NKAIN2: variants seen among roughly 807,000 people sequenced by gnomAD.
The protein encoded by NKAIN2 is sodium/potassium transporting ATPase interacting 2.
A neutral mutation model predicts 32.6 loss-of-function variants in NKAIN2; 14 were observed. That is an observed-to-expected ratio of 0.43 (90% CI 0.28 to 0.67). The LOEUF (loss-of-function observed/expected upper bound fraction) is 0.67, where lower values mean the gene tolerates loss of function less well. NKAIN2 is among the 30% of genes least tolerant of loss of function. The probability of loss-of-function intolerance (pLI) is 0.17; values close to 1 mark genes in which losing one functional copy is unlikely to be tolerated. For missense variants in NKAIN2, 198 were observed against 258.3 expected (o/e 0.77, Z 1.60); for synonymous variants, 80 against 87.2 (o/e 0.92, Z 0.46).
At chr6:123,884,634 A>G (rs1773627805) in intron 1 of NKAIN2, among the ~76,000 whole-genome samples, 1 of 152,122 alleles carries the variant, frequency 6.6e-6, no homozygotes, top group South Asian at 2.1e-4. Context: ...TGATTTCTAC[A>G]TTTTTGTATT....
At chr6:124,460,445 G>C (rs1776487857) in intron 3 of NKAIN2, among the ~76,000 whole-genome samples, 1 of 151,474 alleles carries the variant, frequency 6.6e-6, no homozygotes, top group Non-Finnish European at 1.5e-5. Context: ...ACATATCTTT[G>C]TCTTTGAAAA....
chr6:124,315,843 T>C (rs1796927882), intron 2 of NKAIN2, among the ~76,000 whole-genome samples: 2 of 152,130 alleles, frequency 1.3e-5, no homozygotes, highest in South Asian at 4.1e-4. Flanking sequence ...TGCTTATATC[T>C]CTTCTTATTC....
intron 3 of NKAIN2, among the ~76,000 whole-genome samples, chr6:124,431,312 A>G (rs1775208236): frequency 6.6e-6 from 1 of 152,046 alleles, no homozygotes; most frequent in Admixed American, 6.6e-5. Flanking sequence ...TTTATGCCTT[A>G]TTTTCCACTC....
intron 1 of NKAIN2, among the ~76,000 whole-genome samples, chr6:124,035,846 T>C (rs1781585502): frequency 6.6e-6 from 1 of 152,058 alleles, no homozygotes; most frequent in Non-Finnish European, 1.5e-5. Context: ...TGCTTATGAG[T>C]TGGGAATAAA....
At chr6:124,666,407 C>G (rs1355426826) in intron 4 of NKAIN2, among the ~76,000 whole-genome samples, 5 of 152,130 alleles carry the variant, frequency 3.3e-5, no homozygotes, top group Admixed American at 2.6e-4. Context: ...ATTTCAGAAC[C>G]TTGACTGGAT....
At chr6:124,466,641 G>A (rs1227515273) in intron 3 of NKAIN2, among the ~76,000 whole-genome samples, 1 of 151,208 alleles carries the variant, frequency 6.6e-6, no homozygotes, top group African/African-American at 2.4e-5. Flanking sequence ...ACGGCAACAT[G>A]TAATAAGACA....
chr6:123,950,071 G>T (rs1777253780), intron 1 of NKAIN2, among the ~76,000 whole-genome samples: 1 of 151,898 alleles, frequency 6.6e-6, no homozygotes, highest in Admixed American at 6.6e-5. Context: ...TCCTCATCCT[G>T]TTGATGTGAT....
chr6:124,206,180 C>T (rs188384093), intron 1 of NKAIN2, among the ~76,000 whole-genome samples: 4 of 151,864 alleles, frequency 2.6e-5, no homozygotes, highest in African/African-American at 9.7e-5. Context: ...TTTTCTATTA[C>T]TTTTTCCTAT....
intron 1 of NKAIN2, among the ~76,000 whole-genome samples, chr6:123,923,722 A>G (rs1287710477): frequency 1.1e-4 from 16 of 145,542 alleles, no homozygotes; most frequent in Non-Finnish European, 3.0e-5. Flanking sequence ...ATTCTCACTC[A>G]TAGGTGGGAA....
In NKAIN2 at chr6:124,388,549, T is replaced by A. The variant is rs574749482; in HGVS notation, c.273+33202T>A. On this transcript the variant is annotated intron_variant, in intron 3 of 6. Transcript: ENST00000368417. The stretch of plus-strand genomic sequence containing the variant: ...ATTTCACTCCTCCCCTTCTTCCAGG[T>A]TATTTGTAATGCAGACCTCCTACTT... 5.9e-5 allele frequency among the ~76,000 whole-genome samples: 9 copies of A among 152,230 alleles called. No homozygotes were observed. In the South Asian group the frequency reaches 1.5e-3, roughly 25 times the overall value.
chr6:124,489,447 A>C (rs1278319652), intron 3 of NKAIN2, among the ~76,000 whole-genome samples: 1 of 151,896 alleles, frequency 6.6e-6, no homozygotes, highest in Non-Finnish European at 1.5e-5. Context: ...TGGTAGTTAC[A>C]TCACAATAAC....
chr6:124,363,421 CTAT>C (rs1259689306), intron 3 of NKAIN2, among the ~76,000 whole-genome samples: 1 of 152,070 alleles, frequency 6.6e-6, no homozygotes, highest in East Asian at 1.9e-4. Flanking sequence ...CTGTTGAATG[CTAT>C]TTTTTGACAA....
At chr6:124,811,917 A>C (rs1487832593) in intron 5 of NKAIN2, among the ~76,000 whole-genome samples, 1 of 152,156 alleles carries the variant, frequency 6.6e-6, no homozygotes, top group African/African-American at 2.4e-5. Context: ...ACCAAAGGCA[A>C]ATCCCTCCGA....
chr6:124,727,206 A>C (rs1490560094), intron 4 of NKAIN2, among the ~76,000 whole-genome samples: 2 of 151,208 alleles, frequency 1.3e-5, no homozygotes, highest in Non-Finnish European at 3.0e-5. Flanking sequence ...AATACAGAGA[A>C]CACCACAAAG....
chr6:124,137,466 A>G (rs924044656), intron 1 of NKAIN2, among the ~76,000 whole-genome samples: 11 of 152,094 alleles, frequency 7.2e-5, no homozygotes, highest in African/African-American at 2.4e-4. Flanking sequence ...TACAATTCCT[A>G]TCAAAATACC....
At chr6:124,786,157 C>T (rs988069075) in intron 4 of NKAIN2, among the ~76,000 whole-genome samples, 1 of 151,998 alleles carries the variant, frequency 6.6e-6, no homozygotes, top group Non-Finnish European at 1.5e-5. Context: ...GTTGGCATTT[C>T]AGAGTTATAG....
chr6:124,247,318 T>A (rs1386212913), intron 1 of NKAIN2, among the ~76,000 whole-genome samples: 1 of 152,154 alleles, frequency 6.6e-6, no homozygotes, highest in Non-Finnish European at 1.5e-5. Flanking sequence ...GCTGAGACAT[T>A]TTTAAAAATT....
intron 1 of NKAIN2, among the ~76,000 whole-genome samples, chr6:123,992,091 C>G (rs923368743): frequency 1.3e-5 from 2 of 152,002 alleles, no homozygotes; most frequent in African/African-American, 4.8e-5. Flanking sequence ...CTAGTATGAG[C>G]AGTATCTTTC....
At chr6:123,861,716 G>T (rs1269550581) in intron 1 of NKAIN2, among the ~76,000 whole-genome samples, 1 of 152,160 alleles carries the variant, frequency 6.6e-6, no homozygotes, top group African/African-American at 2.4e-5. Context: ...AAACACCAGA[G>T]TGTGAAATGT....
Sources: gnomAD v4.1 joint callset for allele counts (sites outside exome capture counted in the v4.1 genomes callset) on GRCh38, gnomAD v4.1.1 for gene constraint, MANE v1.5 for transcripts, NCBI Gene and HGNC (gene_info 2026-07-23, HGNC 2026-07-21) for gene names.